SP140: variants seen among roughly 807,000 people sequenced by gnomAD.
SP140 encodes nuclear body protein SP140.
In SP140, 81 loss-of-function variants were observed where a neutral mutation model predicts 125.0. The observed-to-expected ratio is 0.65, with a 90% CI of 0.54 to 0.78. The LOEUF (loss-of-function observed/expected upper bound fraction) is 0.78. Among genes scored for constraint, SP140 ranks in the 30% least tolerant of loss-of-function variants. The pLI is 0.00. For missense variants in SP140, 858 were observed against 1,037.0 expected, an observed-to-expected ratio of 0.83 and a Z score of 2.37; for synonymous variants, 312 against 354.0, an observed-to-expected ratio of 0.88 and a Z score of 1.33.
chr2:230,257,292 A>T (rs1014032985), intron 12 of SP140, among the ~76,000 whole-genome samples: 2 of 152,068 alleles, frequency 1.3e-5, no homozygotes, highest in Non-Finnish European at 2.9e-5. Flanking sequence ...GATAGGAGAT[A>T]TCCAGAAAAA....
At chr2:230,225,720 A>G (rs1455411749), upstream of SP140, 2 of 784,866 alleles carry the variant, frequency 2.5e-6, no homozygotes, top group Non-Finnish European at 4.5e-6. Context: ...TCAGCTAGTT[A>G]GGCAATTTCA....
At chr2:230,239,509 G>A (rs1265234563) in intron 3 of SP140, among the ~76,000 whole-genome samples, 16 of 152,180 alleles carry the variant, frequency 1.1e-4, no homozygotes, top group African/African-American at 3.4e-4. Context: ...GTGCAGTGGT[G>A]TGATCTTGGC....
chr2:230,189,243 T>C, the SP140 span, among the ~76,000 whole-genome samples: 1 of 152,150 alleles, frequency 6.6e-6, no homozygotes, highest in Non-Finnish European at 1.5e-5. Context: ...AGCTTTGGGT[T>C]TCTCTAGTTC....
intron 23 of SP140, among the ~76,000 whole-genome samples, 153 bp from the exon 24 acceptor site, chr2:230,310,590 C>T (rs2059252873): frequency 6.6e-6 from 1 of 152,014 alleles, no homozygotes; most frequent in African/African-American, 2.4e-5. Context: ...GGCTGGAGAC[C>T]CCATGTGTGA....
At chr2:230,249,889 A>G (rs557967977) in intron 9 of SP140, among the ~76,000 whole-genome samples, 1 of 152,262 alleles carries the variant, frequency 6.6e-6, no homozygotes, top group Non-Finnish European at 1.5e-5. Flanking sequence ...AGTGGCACAG[A>G]AGCATACTCA....
rs188634014 is a variant in SP140, at chr2:230,284,122, C to T, written c.1499-224C>T. On this transcript the variant is annotated intron_variant, in intron 15 of 26. Transcript: ENST00000392045. ...CCATTAAAAATTTTGTTCAAAGGAA[C>T]GTCATCTCCTGTAGTCTCTCCCAAG... is the stretch of plus-strand genomic sequence containing the variant. Among the ~76,000 whole-genome samples the T allele has an allele frequency of 1.4e-4, 22 of 152,230 alleles. No homozygotes were observed. In the East Asian group the frequency reaches 1.5e-3, roughly 11 times the overall value.
upstream of SP140, among the ~76,000 whole-genome samples, chr2:230,224,443 G>A (rs1001284101): frequency 2.9e-5 from 4 of 137,388 alleles, no homozygotes; most frequent in African/African-American, 1.2e-4. Flanking sequence ...GGGAGAGGGA[G>A]GGAGAGAGAG....
At chr2:230,254,317 A>G (rs553966511) in intron 11 of SP140, among the ~76,000 whole-genome samples, 9 of 152,320 alleles carry the variant, frequency 5.9e-5, no homozygotes, top group African/African-American at 9.6e-5. Context: ...CTCTATCAAT[A>G]GTGAGTTTTC....
At chr2:230,273,324 C>G (rs1015084888) in intron 15 of SP140, among the ~76,000 whole-genome samples, 1 of 152,122 alleles carries the variant, frequency 6.6e-6, no homozygotes, top group Non-Finnish European at 1.5e-5. Context: ...ATACATGCAG[C>G]CAGCAATCAT....
exon 1 of SP140, chr2:230,203,271 G>C (rs557907778): frequency 6.1e-6 from 1 of 164,526 alleles, no homozygotes; most frequent in Admixed American, 5.6e-5. Context: ...AATGCCAGAG[G>C]GTGCAGAGGT....
intron 1 of SP140, chr2:230,207,981 C>G (rs1405244706): frequency 3.5e-6 from 5 of 1,420,764 alleles, no homozygotes; most frequent in East Asian, 4.6e-5. Flanking sequence ...CTCTTGTACT[C>G]TCATCTTACC....
rs553081541 is a variant in SP140, at chr2:230,267,934, A to T, written c.1241-1598A>T. On this transcript the variant is annotated intron_variant, in intron 12 of 26. Transcript: ENST00000392045. ...AAAATGTGACCGAACATCTTTGCAC[A>T]GTTTGGCTACTGTCTAATGGACCCA... Among the ~76,000 whole-genome samples the T allele has an allele frequency of 2.6e-5, 4 of 152,318 alleles. No individual in the cohort carries two copies. In the South Asian group the frequency reaches 8.3e-4, roughly 32 times the overall value.
chr2:230,227,442 C>T (rs2046615712), intron 1 of SP140, among the ~76,000 whole-genome samples: 1 of 152,194 alleles, frequency 6.6e-6, no homozygotes, highest in Non-Finnish European at 1.5e-5. Context: ...ATGCTAACCT[C>T]AAAGAATGAG....
intron 12 of SP140, among the ~76,000 whole-genome samples, chr2:230,265,818 A>T (rs545953337): frequency 1.1e-4 from 16 of 152,018 alleles, no homozygotes; most frequent in African/African-American, 3.9e-4. Flanking sequence ...TGGGTCCTGC[A>T]GGTGCAATCT....
chr2:230,237,333 C>T lies in SP140; in HGVS notation c.237+73C>T. 7.1e-7 allele frequency: 1 copy of T among 1,417,098 alleles called. No individual in the cohort carries two copies. Among genetic ancestry groups the T allele is most frequent in the African/African-American group, 1.4e-5 (1 of 69,774 alleles). The allele number at this position is 1,417,098 out of a possible 1,614,324, so 87.8% of individuals were successfully genotyped here. On this transcript the variant is annotated intron_variant, in intron 2 of 26. Coordinates refer to ENST00000392045, the MANE Select transcript of SP140 (RefSeq NM_007237.5). This position sits in a 1 kb window ranked among gnomAD's most constrained non-coding sequence, Gnocchi z 5.4. Reference sequence around the variant, plus strand: ...ATGCCAAACTTCAAGATGCAATGAGCAGGCTAAAGGGCCTCCTGTGAGTGG... The same window carrying T: ...ATGCCAAACTTCAAGATGCAATGAGTAGGCTAAAGGGCCTCCTGTGAGTGG...
chr2:230,287,995 A>C lies in SP140; in HGVS notation c.1720+29A>C, dbSNP rs528395174. The C allele has an allele frequency of 9.6e-6, 15 of 1,567,452 alleles. No homozygotes were observed. In the South Asian group the frequency reaches 1.3e-4, roughly 13 times the overall value. On this transcript the variant is annotated intron_variant, in intron 18 of 26. Transcript: ENST00000392045. ...AAAAAGAAAACAGGAATGAACTTTC[A>C]ATAACTAAACATCTAATTTCCTGTG...
chr2:230,266,740 C>T (rs950771023), intron 12 of SP140, among the ~76,000 whole-genome samples: 1 of 152,124 alleles, frequency 6.6e-6, no homozygotes, highest in African/African-American at 2.4e-5. Context: ...TGGTCACGGA[C>T]CACTCTCAGC....
chr2:230,219,568 A>C (rs1453222401), intron 3 of SP140: 1 of 152,228 alleles, frequency 6.6e-6, no homozygotes, highest in African/African-American at 2.4e-5. Flanking sequence ...CTAGTCATTT[A>C]CACAATGGAT....
intron 1 of SP140, among the ~76,000 whole-genome samples, chr2:230,228,464 T>C (rs899982203): frequency 6.6e-6 from 1 of 152,244 alleles, no homozygotes; most frequent in African/African-American, 2.4e-5. Flanking sequence ...CTGTGTGATA[T>C]GTCAATTAAT....
Sources: allele counts gnomAD v4.1 joint callset (sites outside exome capture counted in the v4.1 genomes callset), GRCh38; gene constraint gnomAD v4.1.1; non-coding constraint Gnocchi (gnomAD v3.1); transcripts MANE v1.5; gene names NCBI Gene and HGNC (gene_info 2026-07-23, HGNC 2026-07-21).